Variants in USP34 observed in about 807,000 individuals in gnomAD.
USP34 encodes ubiquitin specific peptidase 34, also known as ubiquitin carboxyl-terminal hydrolase 34.
Under a neutral mutation model 460.3 loss-of-function variants are expected in USP34, and 70 were observed. That is an observed-to-expected ratio of 0.15 (90% confidence interval 0.13 to 0.19). USP34 has a LOEUF of 0.19. Ranked by LOEUF, USP34 falls within the 10% of genes least tolerant of loss-of-function variation. The pLI is 1.00. For missense variants in USP34, 3,985 were observed against 4,236.2 expected, an observed-to-expected ratio of 0.94 and a Z score of 1.65; for synonymous variants, 1,647 against 1,405.3, an observed-to-expected ratio of 1.17 and a Z score of -3.85.
At chr2:61,217,488 C>T (rs991234852) in intron 67 of USP34, among the ~76,000 whole-genome samples, 5 of 152,166 alleles carry the variant, frequency 3.3e-5, no homozygotes, top group Non-Finnish European at 5.9e-5. Context: ...TATCAAGTTA[C>T]AGCAAAAGCA....
At chr2:61,213,932 T>C in intron 68 of USP34, 128 bp downstream of exon 68, 1 of 1,131,314 alleles carries the variant, frequency 8.8e-7, no homozygotes, top group Non-Finnish European at 1.2e-6. Context: ...AGAAAACAAA[T>C]ACACATTAAG....
chr2:61,248,349 T>C (rs1238580909), intron 49 of USP34, among the ~76,000 whole-genome samples, 162 bp downstream of exon 49: 2 of 152,186 alleles, frequency 1.3e-5, no homozygotes, highest in Non-Finnish European at 2.9e-5. Context: ...ATACTAAATA[T>C]TTACTGGTTA....
chr2:61,227,861 T>A (rs190446504), intron 61 of USP34, among the ~76,000 whole-genome samples: 1 of 151,958 alleles, frequency 6.6e-6, no homozygotes, highest in Non-Finnish European at 1.5e-5. Flanking sequence ...TATGATAAAA[T>A]AGTATTTCCT....
chr2:61,327,003 C>G (rs1691115970), intron 20 of USP34, among the ~76,000 whole-genome samples: 1 of 151,816 alleles, frequency 6.6e-6, no homozygotes, highest in Non-Finnish European at 1.5e-5. Context: ...GCCAGCTGGT[C>G]TCTAACTCCT....
chr2:61,359,809 G>C (rs1453570034), intron 10 of USP34, among the ~76,000 whole-genome samples: 1 of 112,914 alleles, frequency 8.9e-6, no homozygotes, highest in Non-Finnish European at 1.7e-5. Context: ...TTTTGAGACA[G>C]TCTCACTCTG....
At chr2:61,214,727 TGTA>T in intron 67 of USP34, 33 bp from the exon 68 acceptor site, 1 of 1,606,456 alleles carries the variant, frequency 6.2e-7, no homozygotes, top group African/African-American at 1.3e-5. Flanking sequence ...GTCAGATCCT[TGTA>T]AGATATAAAA....
intron 53 of USP34, among the ~76,000 whole-genome samples, chr2:61,239,300 TCACACACACACACACACACACACACACA>T (rs60152908): frequency 4.6e-4 from 61 of 132,856 alleles, no homozygotes; most frequent in African/African-American, 1.5e-3. Flanking sequence ...GAGGGCCCTG[TCACACACACACACACACACACACACACA>T]CACACACACA....
intron 1 of USP34, among the ~76,000 whole-genome samples, chr2:61,428,230 T>C (rs6545868): frequency 0.52 from 75,208 of 144,150 alleles, 20,191 homozygotes; most frequent in East Asian, 0.72. Context: ...AGTATGAGTT[T>C]CTAATGATTC....
intron 1 of USP34, among the ~76,000 whole-genome samples, chr2:61,458,364 A>C (rs1345719871): frequency 6.6e-6 from 1 of 151,382 alleles, no homozygotes; most frequent in Non-Finnish European, 1.5e-5. Context: ...AGTTCAAGAG[A>C]AGCCTGGCCA....
chr2:61,442,145 A>G (rs957879655), intron 1 of USP34, among the ~76,000 whole-genome samples: 9 of 152,166 alleles, frequency 5.9e-5, no homozygotes, highest in African/African-American at 9.7e-5. Flanking sequence ...AGAACTAACA[A>G]AACTATAAGA....
chr2:61,222,536 C>T (rs942268823), intron 65 of USP34, 83 bp downstream of exon 65: 9 of 1,129,124 alleles, frequency 8.0e-6, no homozygotes, highest in Middle Eastern at 2.0e-4. Flanking sequence ...TAAATTTGTT[C>T]TCGAGAACAA....
chr2:61,389,959 T>G (rs1329310897), intron 5 of USP34, among the ~76,000 whole-genome samples: 2 of 152,158 alleles, frequency 1.3e-5, no homozygotes, highest in Non-Finnish European at 2.9e-5. Context: ...CATGAAAACT[T>G]AATTTCCTAT....
At chr2:61,301,326 A>T (rs377729666) in intron 28 of USP34, 28 bp downstream of exon 28, 19 of 1,606,568 alleles carry the variant, frequency 1.2e-5, no homozygotes, top group Non-Finnish European at 1.6e-5. Flanking sequence ...CAGATCATTA[A>T]AACTCAAACC....
intron 1 of USP34, among the ~76,000 whole-genome samples, chr2:61,447,661 A>C (rs1395864893): frequency 1.3e-5 from 2 of 152,168 alleles, no homozygotes; most frequent in Non-Finnish European, 2.9e-5. Context: ...ACAGAATATA[A>C]AAAGACATGA....
At chr2:61,266,379 C>T (rs1034510677) in intron 41 of USP34, among the ~76,000 whole-genome samples, 1 of 152,108 alleles carries the variant, frequency 6.6e-6, no homozygotes, top group South Asian at 2.1e-4. Flanking sequence ...CTTTTTGATA[C>T]CTAATAAGCT....
chr2:61,465,159 C>T (rs1695724048), intron 1 of USP34, among the ~76,000 whole-genome samples: 3 of 145,744 alleles, frequency 2.1e-5, no homozygotes, highest in Admixed American at 1.4e-4. Context: ...GTAGTTTCAA[C>T]TTTTATGATA....
At chr2:61,443,732 G>C (rs998825007) in intron 1 of USP34, among the ~76,000 whole-genome samples, 1 of 152,116 alleles carries the variant, frequency 6.6e-6, no homozygotes, top group Non-Finnish European at 1.5e-5. Context: ...TACTTTGTAC[G>C]ACACTGTACT....
intron 29 of USP34, 108 bp from the exon 30 acceptor site, chr2:61,297,033 C>T (rs1011792650): frequency 7.1e-7 from 1 of 1,400,880 alleles, no homozygotes; most frequent in Non-Finnish European, 9.6e-7. Flanking sequence ...AGTTTTTAGC[C>T]TCACTTTTTG....
intron 1 of USP34, among the ~76,000 whole-genome samples, chr2:61,434,217 C>T (rs115127854): frequency 0.011 from 1,693 of 152,304 alleles, 32 homozygotes; most frequent in African/African-American, 0.038. Context: ...AACAGCCCTG[C>T]GCCCCCAATA....
Sources: gnomAD v4.1 joint callset for allele counts (sites outside exome capture counted in the v4.1 genomes callset) on GRCh38, gnomAD v4.1.1 for gene constraint, MANE v1.5 for transcripts, NCBI Gene and HGNC (gene_info 2026-07-23, HGNC 2026-07-21) for gene names.